Variants in ENTREP2 observed in about 807,000 individuals in gnomAD.
ENTREP2 encodes endosomal transmembrane epsin interactor 2.
At chr15:29,573,954 A>C in the ENTREP2 span, among the ~76,000 whole-genome samples, 4 of 152,172 alleles carry the variant, frequency 2.6e-5, no homozygotes, top group African/African-American at 4.8e-5. Context: ...ATAAATAGGG[A>C]GATAAAAGTA....
chr15:29,364,047 C>G, the ENTREP2 span, among the ~76,000 whole-genome samples: 4 of 152,028 alleles, frequency 2.6e-5, no homozygotes, highest in South Asian at 2.1e-4. Flanking sequence ...CCCTGGGAAC[C>G]CTCTTTTTTT....
chr15:29,374,259 CTT>C, the ENTREP2 span: 4 of 152,158 alleles, frequency 2.6e-5, no homozygotes, highest in South Asian at 2.1e-4. Context: ...CCCATCTATT[CTT>C]TGTTTCCTTT....
At chr15:29,538,915 C>T in the ENTREP2 span, among the ~76,000 whole-genome samples, 1 of 152,148 alleles carries the variant, frequency 6.6e-6, no homozygotes, top group South Asian at 2.1e-4. Flanking sequence ...ATTCCACCAG[C>T]ATATATATTA....
chr15:29,217,542 C>A, the ENTREP2 span, among the ~76,000 whole-genome samples: 3 of 152,176 alleles, frequency 2.0e-5, no homozygotes, highest in Non-Finnish European at 4.4e-5. Context: ...TTGTTGAATT[C>A]TATTCCTGAG....
chr15:29,168,732 C>T, the ENTREP2 span, among the ~76,000 whole-genome samples: 1 of 152,204 alleles, frequency 6.6e-6, no homozygotes, highest in Non-Finnish European at 1.5e-5. Context: ...GCCACTCAGG[C>T]ACCACCAGTA....
the ENTREP2 span, among the ~76,000 whole-genome samples, chr15:29,442,754 C>T: frequency 6.6e-6 from 1 of 152,214 alleles, no homozygotes; most frequent in Non-Finnish European, 1.5e-5. Context: ...CGATGGGGCT[C>T]TCGGGGCCTC....
At chr15:29,355,122 G>C in the ENTREP2 span, among the ~76,000 whole-genome samples, 1 of 152,116 alleles carries the variant, frequency 6.6e-6, no homozygotes, top group Non-Finnish European at 1.5e-5. Context: ...TACGAATTCA[G>C]GTCTCACTCC....
At chr15:29,570,766 G>GCC in the ENTREP2 span, 2 of 765,042 alleles carry the variant, frequency 2.6e-6, no homozygotes, top group African/African-American at 5.7e-5. Flanking sequence ...CGCCCGGCCC[G>GCC]GCGCGCGCCG....
the ENTREP2 span, among the ~76,000 whole-genome samples, chr15:29,164,665 C>T: frequency 9.2e-3 from 1,393 of 152,138 alleles, 19 homozygotes; most frequent in African/African-American, 0.031. Flanking sequence ...CACTGGAGCG[C>T]CAAAATTTAT....
chr15:29,277,825 G>A, the ENTREP2 span, among the ~76,000 whole-genome samples: 8 of 152,096 alleles, frequency 5.3e-5, no homozygotes, highest in African/African-American at 1.4e-4. Flanking sequence ...TCCAGACTAC[G>A]CTTTAGCCTA....
the ENTREP2 span, among the ~76,000 whole-genome samples, chr15:29,238,480 C>CA: frequency 1.4e-4 from 21 of 151,426 alleles, no homozygotes; most frequent in Non-Finnish European, 2.9e-5. Context: ...AAAAAAAATA[C>CA]AAAAAATTAT....
chr15:29,582,883 C>T, the ENTREP2 span, among the ~76,000 whole-genome samples: 33 of 152,042 alleles, frequency 2.2e-4, no homozygotes, highest in African/African-American at 7.5e-4. Flanking sequence ...AACTCCTGAC[C>T]TCATGACCCG....
chr15:29,528,608 A>C, the ENTREP2 span, among the ~76,000 whole-genome samples: 1 of 152,230 alleles, frequency 6.6e-6, no homozygotes, highest in African/African-American at 2.4e-5. Context: ...GAAATGAGTC[A>C]AATGATACTT....
At chr15:29,204,750 C>A in the ENTREP2 span, among the ~76,000 whole-genome samples, 1 of 152,126 alleles carries the variant, frequency 6.6e-6, no homozygotes, top group African/African-American at 2.4e-5. Context: ...AGAAACTAGA[C>A]CCTAAGTTTT....
chr15:29,497,258 C>A, the ENTREP2 span, among the ~76,000 whole-genome samples: 1 of 152,182 alleles, frequency 6.6e-6, no homozygotes, highest in Non-Finnish European at 1.5e-5. Context: ...GTTACCAAGT[C>A]TGTGGTATTT....
the ENTREP2 span, among the ~76,000 whole-genome samples, chr15:29,478,563 GC>G: frequency 6.6e-6 from 1 of 151,972 alleles, no homozygotes; most frequent in Non-Finnish European, 1.5e-5. Context: ...ATCCCTCATG[GC>G]TTGATGCCGT....
the ENTREP2 span, among the ~76,000 whole-genome samples, chr15:29,213,589 C>T: frequency 6.6e-6 from 1 of 152,096 alleles, no homozygotes; most frequent in African/African-American, 2.4e-5. Flanking sequence ...TGGCTCTCTG[C>T]TTGTCTGTTA....
chr15:29,234,145 T>C, the ENTREP2 span: 2 of 1,565,002 alleles, frequency 1.3e-6, no homozygotes, highest in East Asian at 4.5e-5. Flanking sequence ...GCTCTCCATG[T>C]CATTCTCGTT....
chr15:29,556,908 CCA>C, the ENTREP2 span, among the ~76,000 whole-genome samples: 365 of 152,274 alleles, frequency 2.4e-3, 4 homozygotes, highest in Middle Eastern at 0.01. Flanking sequence ...ACCTCAGGCC[CCA>C]GAGCGCTCCA....
Sources: allele counts gnomAD v4.1 joint callset (sites outside exome capture counted in the v4.1 genomes callset), GRCh38; gene constraint gnomAD v4.1.1; transcripts MANE v1.5; gene names NCBI Gene and HGNC (gene_info 2026-07-23, HGNC 2026-07-21).